The following FIG4 variants were observed in gnomAD, a reference collection of about 807,000 sequenced individuals.
FIG4 encodes polyphosphoinositide phosphatase.
Under a neutral mutation model 118.6 loss-of-function variants are expected in FIG4, and 112 were observed. That is an observed-to-expected ratio of 0.94 (90% CI 0.81 to 1.11). The LOEUF is 1.11. FIG4 is among the 50% of genes least tolerant of loss of function. The pLI is 0.00. For synonymous variants in FIG4, 369 were observed against 381.2 expected (o/e 0.97, Z 0.37); for missense variants, 969 against 1,111.7 (o/e 0.87, Z 1.83).
rs982210725 is a variant in FIG4, at chr6:109,727,053, C to T, written c.290-56C>T. 10 of 1,369,400 alleles carry T rather than the reference C, an allele frequency of 7.3e-6. No individual in the cohort carries two copies. The African/African-American group carries it at 1.4e-4, about 20-fold the overall frequency. 84.8% of individuals were successfully genotyped at this position (1,369,400 alleles called of 1,614,324 possible). ...GGTCTTTGGCCTTTTAAATAGGCAT[C>T]TAAAAGCCATTACTAAGTTTATAAA... On this transcript the variant is annotated intron_variant, in intron 3 of 22. Coordinates refer to ENST00000230124, the MANE Select transcript of FIG4 (RefSeq NM_014845.6).
At chr6:109,753,436 G>T (rs1583685389) in intron 10 of FIG4, among the ~76,000 whole-genome samples, 1 of 151,522 alleles carries the variant, frequency 6.6e-6, no homozygotes, top group Admixed American at 6.6e-5. Context: ...GCTCTTTTTT[G>T]GTTCCATATG....
intron 10 of FIG4, 120 bp downstream of exon 10, chr6:109,743,892 A>T: frequency 1.3e-6 from 1 of 781,876 alleles, no homozygotes; most frequent in Non-Finnish European, 2.2e-6. Context: ...CGTGCAGATT[A>T]TTATGCTGGG....
At chr6:109,804,686 T>A (rs1219821748) in intron 22 of FIG4, among the ~76,000 whole-genome samples, 1 of 152,162 alleles carries the variant, frequency 6.6e-6, no homozygotes, top group Non-Finnish European at 1.5e-5. Flanking sequence ...TATGAAGAAA[T>A]TTGAGAAATC....
intron 3 of FIG4, among the ~76,000 whole-genome samples, chr6:109,726,405 G>A (rs1371031955): frequency 6.6e-6 from 1 of 152,152 alleles, no homozygotes; most frequent in Non-Finnish European, 1.5e-5. Context: ...AGATCAGATG[G>A]TTGTAGATGT....
At chr6:109,755,344 A>T (rs1776853356) in intron 10 of FIG4, among the ~76,000 whole-genome samples, 1 of 151,732 alleles carries the variant, frequency 6.6e-6, no homozygotes, top group South Asian at 2.1e-4. Flanking sequence ...GCTGAGGAGA[A>T]CTTTGCTTCC....
intron 10 of FIG4, among the ~76,000 whole-genome samples, chr6:109,751,269 G>A (rs1428861723): frequency 6.6e-6 from 1 of 152,200 alleles, no homozygotes; most frequent in African/African-American, 2.4e-5. Context: ...CCATATGCCA[G>A]CTGTTCTATA....
intron 20 of FIG4, 132 bp from the exon 21 acceptor site, chr6:109,792,450 A>T: frequency 1.6e-6 from 1 of 635,630 alleles, no homozygotes. Context: ...AAGAAGTTTA[A>T]TGAACAGGTT....
At chr6:109,707,384 T>C (rs1300068362) in intron 1 of FIG4, among the ~76,000 whole-genome samples, 1 of 148,114 alleles carries the variant, frequency 6.8e-6, no homozygotes, top group Non-Finnish European at 1.5e-5. Flanking sequence ...TATACATATA[T>C]ACACATATGT....
chr6:109,742,974 T>C (rs1211078193), intron 8 of FIG4, 136 bp from the exon 9 acceptor site: 2 of 775,374 alleles, frequency 2.6e-6, no homozygotes, highest in Non-Finnish European at 4.2e-6. Flanking sequence ...TATTGATCAA[T>C]ATTTACCTCT....
At chr6:109,781,075 G>GGA (rs963769124) in intron 16 of FIG4, among the ~76,000 whole-genome samples, 1 of 152,112 alleles carries the variant, frequency 6.6e-6, no homozygotes, top group Non-Finnish European at 1.5e-5. Flanking sequence ...GTTTCCCTAG[G>GGA]GAGAGAGAGA....
intron 10 of FIG4, among the ~76,000 whole-genome samples, chr6:109,757,705 T>C (rs1392447077): frequency 2.0e-5 from 3 of 152,164 alleles, no homozygotes; most frequent in Admixed American, 2.0e-4. Flanking sequence ...ATTGTATATT[T>C]AGAAAACCCC....
chr6:109,693,399 C>T (rs1346893108), intron 1 of FIG4, among the ~76,000 whole-genome samples: 2 of 152,114 alleles, frequency 1.3e-5, no homozygotes, highest in Non-Finnish European at 1.5e-5. Context: ...TCTGGTCATG[C>T]CTTGCAAACA....
At chr6:109,768,562 C>T (rs1777352695) in intron 15 of FIG4, among the ~76,000 whole-genome samples, 1 of 152,124 alleles carries the variant, frequency 6.6e-6, no homozygotes. Flanking sequence ...CTTAGGGTCT[C>T]TCAAGGCTGC....
At chr6:109,812,610 A>T (rs879456956) in intron 22 of FIG4, among the ~76,000 whole-genome samples, 1 of 152,210 alleles carries the variant, frequency 6.6e-6, no homozygotes, top group African/African-American at 2.4e-5. Context: ...AATACAGAAA[A>T]ATGATTATTG....
chr6:109,734,065 A>T (rs754439211), intron 5 of FIG4, among the ~76,000 whole-genome samples: 1 of 152,112 alleles, frequency 6.6e-6, no homozygotes, highest in Non-Finnish European at 1.5e-5. Context: ...TTGAGATTAG[A>T]TGCTGTTAAA....
chr6:109,726,016 T>G (rs1775797752), intron 3 of FIG4, among the ~76,000 whole-genome samples: 1 of 152,224 alleles, frequency 6.6e-6, no homozygotes, highest in Non-Finnish European at 1.5e-5. Flanking sequence ...GTGAGATGGA[T>G]AGATTGCAAC....
intron 10 of FIG4, among the ~76,000 whole-genome samples, chr6:109,751,352 CAG>C (rs1776689772): frequency 6.6e-6 from 1 of 152,180 alleles, no homozygotes; most frequent in Admixed American, 6.5e-5. Context: ...CGATGTTCAT[CAG>C]GGATATTGGC....
intron 3 of FIG4, among the ~76,000 whole-genome samples, chr6:109,721,658 G>T (rs1306466722): frequency 6.6e-6 from 1 of 151,976 alleles, no homozygotes; most frequent in Admixed American, 6.6e-5. Flanking sequence ...GAAGAAACTT[G>T]TTCTGGTGTT....
chr6:109,788,346 T>G (rs747602093), intron 18 of FIG4, among the ~76,000 whole-genome samples: 1 of 152,196 alleles, frequency 6.6e-6, no homozygotes, highest in Non-Finnish European at 1.5e-5. Flanking sequence ...TTAGTAACAC[T>G]AAACAGCTTC....
Sources: gnomAD v4.1 joint callset for allele counts (sites outside exome capture counted in the v4.1 genomes callset) on GRCh38, gnomAD v4.1.1 for gene constraint, MANE v1.5 for transcripts, NCBI Gene and HGNC (gene_info 2026-07-23, HGNC 2026-07-21) for gene names.